PLOD2: variants seen among roughly 807,000 people sequenced by gnomAD.
PLOD2 encodes the protein lysine hydroxylase 2.
A neutral mutation model predicts 101.0 loss-of-function variants in PLOD2; 65 were observed. That is an observed-to-expected ratio of 0.64 (90% CI 0.53 to 0.79). The LOEUF (loss-of-function observed/expected upper bound fraction) is 0.79, where lower values mean the gene tolerates loss of function less well. Among genes scored for constraint, PLOD2 ranks in the 30% least tolerant of loss-of-function variants. PLOD2 has a pLI of 0.00. For synonymous variants in PLOD2, 314 were observed against 302.9 expected, an observed-to-expected ratio of 1.04 and a Z score of -0.38; for missense variants, 909 against 914.6, an observed-to-expected ratio of 0.99 and a Z score of 0.08.
intron 12 of PLOD2, among the ~76,000 whole-genome samples, chr3:146,080,990 T>C (rs886205466): frequency 3.3e-5 from 5 of 152,130 alleles, no homozygotes; most frequent in African/African-American, 1.2e-4. Context: ...ATCCTTTTAG[T>C]CCTGAGAGTA....
chr3:146,085,376 A>G (rs780195109), intron 10 of PLOD2, 103 bp from the exon 11 acceptor site: 3 of 708,592 alleles, frequency 4.2e-6, no homozygotes, highest in Non-Finnish European at 7.7e-6. Context: ...ATGGTTCTCT[A>G]GCATACTTTT....
At chr3:146,127,638 T>G (rs2030649598) in intron 1 of PLOD2, among the ~76,000 whole-genome samples, 1 of 152,132 alleles carries the variant, frequency 6.6e-6, no homozygotes, top group Non-Finnish European at 1.5e-5. Context: ...AATAAACTTA[T>G]GAGTATAGGC....
Position 146,080,519 on chromosome 3 carries a change from CACAT to C in PLOD2, c.1358+1215_1358+1218del, listed in dbSNP as rs923003917. Among the ~76,000 whole-genome samples, 197 of 151,204 alleles carry C rather than the reference CACAT, an allele frequency of 1.3e-3. 1 individual carries two copies. Among genetic ancestry groups the C allele is most frequent in the Middle Eastern group, 0.01 (3 of 294 alleles). On this transcript the variant is annotated intron_variant, in intron 12 of 19. Transcript: ENST00000282903. ...TTCAGTGTTTCAACTTATACACACA[CACAT>C]ACACACACACACACAGTTGCTCCTT...
intron 7 of PLOD2, among the ~76,000 whole-genome samples, chr3:146,098,075 G>C (rs1340377561): frequency 6.6e-6 from 1 of 151,962 alleles, no homozygotes; most frequent in Non-Finnish European, 1.5e-5. Context: ...AGGGGAGGGA[G>C]GGCATTAGGA....
At chr3:146,104,532 T>C (rs1937502571) in intron 5 of PLOD2, among the ~76,000 whole-genome samples, 190 bp from the exon 6 acceptor site, 1 of 152,174 alleles carries the variant, frequency 6.6e-6, no homozygotes, top group East Asian at 1.9e-4. Context: ...TTGCAACTCA[T>C]TGCAAAATAC....
At chr3:146,154,323 T>C (rs535929071) in intron 1 of PLOD2, among the ~76,000 whole-genome samples, 1 of 151,978 alleles carries the variant, frequency 6.6e-6, no homozygotes, top group East Asian at 1.9e-4. Flanking sequence ...ATAAATACAG[T>C]AGTTCTTCAA....
intron 8 of PLOD2, among the ~76,000 whole-genome samples, chr3:146,091,149 C>A (rs1428298662): frequency 1.3e-5 from 2 of 151,788 alleles, no homozygotes; most frequent in African/African-American, 4.8e-5. Flanking sequence ...CAAGTAGCAA[C>A]ATGCCTAGAA....
intron 1 of PLOD2, among the ~76,000 whole-genome samples, chr3:146,145,542 C>T (rs544708723): frequency 2.6e-4 from 39 of 151,992 alleles, no homozygotes; most frequent in Non-Finnish European, 3.2e-4. Flanking sequence ...GGAGTTTCAG[C>T]CATAAGCTTA....
At chr3:146,085,400 TG>T in intron 10 of PLOD2, 127 bp from the exon 11 acceptor site, 1 of 671,790 alleles carries the variant, frequency 1.5e-6, no homozygotes, top group Non-Finnish European at 2.7e-6. Flanking sequence ...ATCAAAATAG[TG>T]GAACAATATC....
intron 1 of PLOD2, among the ~76,000 whole-genome samples, chr3:146,140,621 T>C (rs2031476889): frequency 6.6e-6 from 1 of 152,088 alleles, no homozygotes; most frequent in Non-Finnish European, 1.5e-5. Context: ...ATAGGATCAG[T>C]TCCTGAAAAT....
intron 3 of PLOD2, among the ~76,000 whole-genome samples, chr3:146,116,354 A>T (rs1342868348): frequency 6.6e-6 from 1 of 152,166 alleles, no homozygotes; most frequent in East Asian, 1.9e-4. Context: ...TAAAATGATT[A>T]AAATTATTTT....
At chr3:146,142,384 C>T (rs925004577) in intron 1 of PLOD2, among the ~76,000 whole-genome samples, 8 of 152,056 alleles carry the variant, frequency 5.3e-5, no homozygotes, top group South Asian at 2.1e-4. Flanking sequence ...GAATCTACCC[C>T]TCCTGGTGCT....
At position 146,132,833 on chromosome 3, in the gene PLOD2, T is replaced by C. The variant is rs892931758; in HGVS notation, c.110-8604A>G. 5.3e-5 allele frequency among the ~76,000 whole-genome samples: 8 copies of C among 152,338 alleles called. No individual in the cohort carries two copies. The East Asian group carries it at 5.8e-4, about 11-fold the overall frequency. On this transcript the variant is annotated intron_variant, in intron 1 of 19. Transcript: ENST00000282903. Reference sequence around the variant, plus strand: ...ACTGCAAAAAAAATCAAAATTTGTATATTTATGGTCAATAAAACTTGAATA... The same window carrying C: ...ACTGCAAAAAAAATCAAAATTTGTACATTTATGGTCAATAAAACTTGAATA...
chr3:146,085,990 A>C (rs1248435105), intron 10 of PLOD2: 1 of 152,198 alleles, frequency 6.6e-6, no homozygotes, highest in Non-Finnish European at 1.5e-5. Flanking sequence ...AAAAATATTA[A>C]AGAAAATATG....
At chr3:146,150,884 G>C (rs2032022697) in intron 1 of PLOD2, among the ~76,000 whole-genome samples, 1 of 152,114 alleles carries the variant, frequency 6.6e-6, no homozygotes, top group Admixed American at 6.5e-5. Context: ...ACAGAAAATA[G>C]CTTCATAAAA....
chr3:146,097,195 C>T lies in PLOD2; in HGVS notation c.778-5294G>A, dbSNP rs1352962788. Among the ~76,000 whole-genome samples, 26 of 151,052 alleles carry T rather than the reference C, an allele frequency of 1.7e-4. No homozygotes were observed. The East Asian group carries it at 4.6e-3, about 27-fold the overall frequency. ...GGAGGTGGGGGGTCAGCCCCCCGCC[C>T]GGCCAGCCGCCCCATCCGGGAGGTG... On this transcript the variant is annotated intron_variant, in intron 7 of 19. Coordinates refer to ENST00000282903, the MANE Select transcript of PLOD2 (RefSeq NM_182943.3).
At chr3:146,090,634 A>G (rs1453748761) in intron 8 of PLOD2, among the ~76,000 whole-genome samples, 1 of 151,720 alleles carries the variant, frequency 6.6e-6, no homozygotes, top group East Asian at 1.9e-4. Context: ...TTGCTATCTG[A>G]GAGACTGGCC....
intron 12 of PLOD2, among the ~76,000 whole-genome samples, chr3:146,080,983 CT>C (rs1194991664): frequency 6.6e-6 from 1 of 152,000 alleles, no homozygotes; most frequent in Non-Finnish European, 1.5e-5. Context: ...AGGGCACATC[CT>C]TTTAGTCCTG....
intron 1 of PLOD2, among the ~76,000 whole-genome samples, chr3:146,132,323 G>A (rs758548964): frequency 2.0e-5 from 3 of 151,964 alleles, no homozygotes; most frequent in East Asian, 1.9e-4. Flanking sequence ...GGCAAGTATC[G>A]CCAGTTATTT....
Sources: gnomAD v4.1 joint callset for allele counts (sites outside exome capture counted in the v4.1 genomes callset) on GRCh38, gnomAD v4.1.1 for gene constraint, MANE v1.5 for transcripts, NCBI Gene and HGNC (gene_info 2026-07-23, HGNC 2026-07-21) for gene names.